The following NKAIN2 variants were observed in gnomAD, a reference collection of about 807,000 sequenced individuals.
NKAIN2 encodes sodium/potassium transporting ATPase interacting 2, also known as sodium/potassium-transporting ATPase subunit beta-1-interacting protein 2.
NKAIN2 carries 14 observed loss-of-function variants against 32.6 expected under a neutral mutation model. The observed-to-expected ratio is 0.43, with a 90% CI of 0.28 to 0.67. The LOEUF (loss-of-function observed/expected upper bound fraction) is 0.67. Among genes scored for constraint, NKAIN2 ranks in the 30% least tolerant of loss-of-function variants. The probability of loss-of-function intolerance (pLI) is 0.17; values close to 1 mark genes in which losing one functional copy is unlikely to be tolerated. For synonymous variants in NKAIN2, 80 were observed against 87.2 expected (o/e 0.92, Z 0.46); for missense variants, 198 against 258.3 (o/e 0.77, Z 1.60).
intron 1 of NKAIN2, among the ~76,000 whole-genome samples, chr6:124,011,193 CCTT>C (rs1162357857): frequency 2.0e-5 from 3 of 152,114 alleles, no homozygotes; most frequent in Non-Finnish European, 4.4e-5. Context: ...CTTTTGTTCT[CCTT>C]CTGACTCTCT....
intron 3 of NKAIN2, among the ~76,000 whole-genome samples, chr6:124,636,910 C>A (rs1187649123): frequency 6.6e-6 from 1 of 151,942 alleles, no homozygotes; most frequent in Non-Finnish European, 1.5e-5. Flanking sequence ...TACCCTGGTA[C>A]CAAAACTAGA....
intron 3 of NKAIN2, among the ~76,000 whole-genome samples, chr6:124,365,951 TA>T (rs562347896): frequency 1.9e-3 from 284 of 147,550 alleles, no homozygotes; most frequent in African/African-American, 6.2e-3. Context: ...AATTTATTGC[TA>T]AAAAAAAAAC....
chr6:123,937,017 T>C (rs1776542344), intron 1 of NKAIN2, among the ~76,000 whole-genome samples: 1 of 152,104 alleles, frequency 6.6e-6, no homozygotes, highest in Non-Finnish European at 1.5e-5. Flanking sequence ...GGTCTGTGAC[T>C]ACTGTACTCT....
chr6:124,198,785 G>C (rs1239610823), intron 1 of NKAIN2, among the ~76,000 whole-genome samples: 3 of 152,086 alleles, frequency 2.0e-5, no homozygotes, highest in African/African-American at 7.2e-5. Flanking sequence ...TTCTTTGGCA[G>C]TTGAGACAGT....
chr6:124,303,139 A>G (rs1432340904), intron 2 of NKAIN2, among the ~76,000 whole-genome samples: 2 of 152,228 alleles, frequency 1.3e-5, no homozygotes, highest in African/African-American at 4.8e-5. Flanking sequence ...TGCACAAAAT[A>G]TAAAAAACAA....
At chr6:124,454,515 T>C (rs761064555) in intron 3 of NKAIN2, among the ~76,000 whole-genome samples, 1 of 152,072 alleles carries the variant, frequency 6.6e-6, no homozygotes, top group Non-Finnish European at 1.5e-5. Flanking sequence ...TGATAATATA[T>C]AGTAAACAAA....
intron 1 of NKAIN2, among the ~76,000 whole-genome samples, chr6:124,258,543 A>T (rs1048434265): frequency 5.3e-5 from 8 of 150,072 alleles, no homozygotes; most frequent in African/African-American, 1.9e-4. Flanking sequence ...ATAATATAAA[A>T]CTGACAGGAC....
At chr6:124,679,638 C>T (rs1161063435) in intron 4 of NKAIN2, among the ~76,000 whole-genome samples, 1 of 152,122 alleles carries the variant, frequency 6.6e-6, no homozygotes, top group East Asian at 1.9e-4. Flanking sequence ...ATTTTCTCCA[C>T]AGAGGAAAGA....
At chr6:124,044,831 G>A (rs573914294) in intron 1 of NKAIN2, among the ~76,000 whole-genome samples, 1 of 152,130 alleles carries the variant, frequency 6.6e-6, no homozygotes, top group East Asian at 1.9e-4. Context: ...AAGATGTTGA[G>A]CTTGGAATTT....
intron 3 of NKAIN2, among the ~76,000 whole-genome samples, chr6:124,635,472 T>A (rs983700664): frequency 9.2e-5 from 14 of 151,992 alleles, no homozygotes; most frequent in African/African-American, 3.4e-4. Flanking sequence ...CCTCACCTAT[T>A]AATAACAACC....
intron 4 of NKAIN2, among the ~76,000 whole-genome samples, chr6:124,694,346 T>G (rs1460309255): frequency 6.6e-6 from 1 of 152,196 alleles, no homozygotes; most frequent in Non-Finnish European, 1.5e-5. Context: ...TCTGTTCCTC[T>G]GTTCATTAAA....
At chr6:124,175,938 A>T (rs957479284) in intron 1 of NKAIN2, among the ~76,000 whole-genome samples, 2 of 151,902 alleles carry the variant, frequency 1.3e-5, no homozygotes, top group African/African-American at 4.8e-5. Flanking sequence ...TGCTTTTTAC[A>T]TTTTTTTAAG....
At chr6:124,804,039 G>C (rs559529231) in intron 5 of NKAIN2, among the ~76,000 whole-genome samples, 1 of 152,132 alleles carries the variant, frequency 6.6e-6, no homozygotes, top group South Asian at 2.1e-4. Context: ...CAGAGCAATT[G>C]TGACCTGATT....
At chr6:124,308,135 T>A (rs904270334) in intron 2 of NKAIN2, among the ~76,000 whole-genome samples, 27 of 152,066 alleles carry the variant, frequency 1.8e-4, no homozygotes, top group African/African-American at 6.0e-4. Context: ...ATGCTCTCCC[T>A]CCCTTTGCCC....
intron 4 of NKAIN2, among the ~76,000 whole-genome samples, chr6:124,663,614 T>C (rs530951992): frequency 1.1e-4 from 16 of 152,192 alleles, no homozygotes; most frequent in South Asian, 2.1e-4. Flanking sequence ...TGTTATTATA[T>C]ACATCAGTTT....
chr6:124,655,746 A>G (rs1476015147), intron 3 of NKAIN2, among the ~76,000 whole-genome samples: 2 of 152,156 alleles, frequency 1.3e-5, no homozygotes, highest in East Asian at 1.9e-4. Context: ...ACTCATACAT[A>G]GTTGAGTTGA....
intron 2 of NKAIN2, among the ~76,000 whole-genome samples, chr6:124,346,631 GT>G (rs1562503777): frequency 6.6e-6 from 1 of 151,326 alleles, no homozygotes; most frequent in African/African-American, 2.4e-5. Context: ...TTTAAAGTCT[GT>G]TTTATCAGAG....
chr6:124,707,898 G>A (rs1409364635), intron 4 of NKAIN2, among the ~76,000 whole-genome samples: 15 of 151,816 alleles, frequency 9.9e-5, no homozygotes, highest in Non-Finnish European at 1.5e-4. Flanking sequence ...TTGGTGTTTT[G>A]GACATGAAGT....
chr6:124,145,330 G>T lies in NKAIN2; in HGVS notation c.55-137675G>T, dbSNP rs1211061700. The stretch of plus-strand genomic sequence containing the variant: ...CCATGCACAAAAAATGTTCAGAACA[G>T]CTTTATTTGTAATAGCCAAAAACTG... On this transcript the variant is annotated intron_variant, in intron 1 of 6. Coordinates refer to ENST00000368417, the MANE Select transcript of NKAIN2 (RefSeq NM_001040214.3). Among the ~76,000 whole-genome samples the T allele has an allele frequency of 2.6e-5, 4 of 152,210 alleles. No individual in the cohort carries two copies. The East Asian group carries it at 7.7e-4, about 29-fold the overall frequency.
Sources: gnomAD v4.1 joint callset for allele counts (sites outside exome capture counted in the v4.1 genomes callset) on GRCh38, gnomAD v4.1.1 for gene constraint, MANE v1.5 for transcripts, NCBI Gene and HGNC (gene_info 2026-07-23, HGNC 2026-07-21) for gene names.